Variants in RIMS2 observed in about 807,000 individuals in gnomAD.
RIMS2 encodes the protein regulating synaptic membrane exocytosis protein 2.
In RIMS2, 59 loss-of-function variants were observed where a neutral mutation model predicts 174.4. That is an observed-to-expected ratio of 0.34 (90% CI 0.27 to 0.42). RIMS2 has a LOEUF of 0.42. Ranked by LOEUF, RIMS2 falls within the 10% of genes least tolerant of loss-of-function variation. RIMS2 has a pLI of 1.00. For synonymous variants in RIMS2, 606 were observed against 572.5 expected (o/e 1.06, Z -0.84); for missense variants, 1,620 against 1,666.3 (o/e 0.97, Z 0.48).
intron 1 of RIMS2, chr8:103,568,700 T>C: frequency 1.3e-6 from 1 of 757,712 alleles, no homozygotes. Flanking sequence ...CATGGTTTTG[T>C]TCTTCTAGCT....
chr8:103,942,396 G>T (rs1055985779), intron 13 of RIMS2, among the ~76,000 whole-genome samples: 1 of 151,978 alleles, frequency 6.6e-6, no homozygotes, highest in Admixed American at 6.6e-5. Context: ...AGTCGTCACT[G>T]ATGGCCATTT....
intron 19 of RIMS2, among the ~76,000 whole-genome samples, chr8:104,138,604 C>T (rs548099546): frequency 1.5e-4 from 23 of 152,136 alleles, no homozygotes; most frequent in Non-Finnish European, 2.5e-4. Flanking sequence ...ATCTTTCGCC[C>T]ATTTAAAAAT....
At chr8:103,886,352 C>G in intron 4 of RIMS2, 129 bp downstream of exon 7, 1 of 731,484 alleles carries the variant, frequency 1.4e-6, no homozygotes, top group Non-Finnish European at 2.2e-6. Context: ...TTAATGGCAT[C>G]GAACGTGTGA....
chr8:103,885,829 T>C (rs776075854), exon 4 of RIMS2: 31 of 1,612,788 alleles, frequency 1.9e-5, no homozygotes, highest in Non-Finnish European at 2.5e-5. Flanking sequence ...AGCGATCTTA[T>C]TCAATGGAAA....
At chr8:103,884,300 T>G (rs2099187088) in intron 3 of RIMS2, among the ~76,000 whole-genome samples, 1 of 151,908 alleles carries the variant, frequency 6.6e-6, no homozygotes, top group Admixed American at 6.6e-5. Context: ...GACTTCACTC[T>G]TTCATTGTCT....
At chr8:104,026,276 A>C (rs1379835311) in intron 19 of RIMS2, among the ~76,000 whole-genome samples, 1 of 152,222 alleles carries the variant, frequency 6.6e-6, no homozygotes, top group African/African-American at 2.4e-5. Context: ...ACTTTTCTCT[A>C]GGCCAGAGAA....
chr8:103,877,582 T>A (rs2099147352), intron 3 of RIMS2, among the ~76,000 whole-genome samples: 1 of 151,990 alleles, frequency 6.6e-6, no homozygotes, highest in Admixed American at 6.6e-5. Context: ...TCTGTTCCAT[T>A]GGTCTATATG....
intron 14 of RIMS2, among the ~76,000 whole-genome samples, chr8:103,944,474 G>T (rs916434228): frequency 1.3e-5 from 2 of 151,770 alleles, no homozygotes; most frequent in African/African-American, 4.8e-5. Context: ...TTTTCATTCG[G>T]GACTGGCCTT....
intron 2 of RIMS2, among the ~76,000 whole-genome samples, chr8:103,708,199 C>T (rs1379641500): frequency 1.3e-5 from 2 of 152,314 alleles, no homozygotes; most frequent in African/African-American, 4.8e-5. Flanking sequence ...AATTTATTCA[C>T]GGCTCAAGGC....
intron 1 of RIMS2, among the ~76,000 whole-genome samples, chr8:103,644,122 T>C (rs936519318): frequency 6.6e-6 from 1 of 151,868 alleles, no homozygotes; most frequent in African/African-American, 2.4e-5. Flanking sequence ...TGCAAGTGTG[T>C]TGGCACCCGT....
intron 1 of RIMS2, among the ~76,000 whole-genome samples, chr8:103,634,075 G>A (rs192555768): frequency 1.2e-3 from 180 of 152,206 alleles, no homozygotes; most frequent in African/African-American, 4.1e-3. Flanking sequence ...GGGTTGATTT[G>A]TTCTTGCTTC....
chr8:103,923,437 G>A (rs992302322), intron 10 of RIMS2, among the ~76,000 whole-genome samples: 1 of 151,844 alleles, frequency 6.6e-6, no homozygotes, highest in Non-Finnish European at 1.5e-5. Flanking sequence ...AGGATGAGAA[G>A]CATAGGTCAG....
At chr8:104,062,988 A>G (rs1033501884) in intron 19 of RIMS2, among the ~76,000 whole-genome samples, 1 of 152,064 alleles carries the variant, frequency 6.6e-6, no homozygotes, top group Non-Finnish European at 1.5e-5. Context: ...AAAGCCTCAG[A>G]TAATATTTTG....
chr8:103,568,636 C>A, intron 1 of RIMS2: 1 of 609,768 alleles, frequency 1.6e-6, no homozygotes, highest in South Asian at 1.5e-5. Context: ...TCAGCAAGTG[C>A]ACTTTGTATC....
chr8:103,975,382 TCAA>T (rs770161844), exon 16 of RIMS2: 1 of 1,613,028 alleles, frequency 6.2e-7, no homozygotes, highest in Non-Finnish European at 8.5e-7. Flanking sequence ...TCTTCAAAGC[TCAA>T]CATTATCAGT....
exon 13 of RIMS2, chr8:103,936,565 G>T: frequency 6.4e-7 from 1 of 1,566,976 alleles, no homozygotes; most frequent in Non-Finnish European, 8.6e-7. Context: ...AAAAACAAGA[G>T]AAGAACTAAA....
At chr8:103,570,485 T>C (rs2092723867) in intron 1 of RIMS2, among the ~76,000 whole-genome samples, 1 of 152,170 alleles carries the variant, frequency 6.6e-6, no homozygotes, top group Non-Finnish European at 1.5e-5. Flanking sequence ...CTCTGATGCT[T>C]TGCTTCTCTA....
chr8:103,525,006 C>T (rs945155560), intron 1 of RIMS2, among the ~76,000 whole-genome samples: 8 of 152,144 alleles, frequency 5.3e-5, no homozygotes, highest in African/African-American at 1.4e-4. Context: ...AACCAGCTTT[C>T]AAGGGAGTGT....
chr8:103,569,293 C>T (rs548382496), intron 1 of RIMS2, among the ~76,000 whole-genome samples: 1 of 152,154 alleles, frequency 6.6e-6, no homozygotes, highest in African/African-American at 2.4e-5. Context: ...AAATACTATT[C>T]TTTCTCTACT....
Sources: allele counts gnomAD v4.1 joint callset (sites outside exome capture counted in the v4.1 genomes callset), GRCh38; gene constraint gnomAD v4.1.1; transcripts MANE v1.5; gene names NCBI Gene and HGNC (gene_info 2026-07-23, HGNC 2026-07-21).